Variants in OR51B5 observed in about 807,000 individuals in gnomAD.
The protein encoded by OR51B5 is olfactory receptor family 51 subfamily B member 5.
For missense variants in OR51B5, 456 were observed against 374.6 expected, an observed-to-expected ratio of 1.22 and a Z score of -1.79; for synonymous variants, 186 against 144.8, an observed-to-expected ratio of 1.28 and a Z score of -2.04.
At chr11:5,381,898 G>C (rs1287014756) in intron 1 of OR51B5, among the ~76,000 whole-genome samples, 3 of 152,110 alleles carry the variant, frequency 2.0e-5, no homozygotes, top group African/African-American at 7.2e-5. Flanking sequence ...GCAAATATTA[G>C]AGATCTCTAA....
At chr11:5,365,745 A>G (rs1849354839) in intron 1 of OR51B5, among the ~76,000 whole-genome samples, 1 of 152,180 alleles carries the variant, frequency 6.6e-6, no homozygotes, top group African/African-American at 2.4e-5. Flanking sequence ...AAAAATAGAT[A>G]TAAGCTTTTG....
chr11:5,341,803 C>G (rs1848898857), downstream of OR51B5, among the ~76,000 whole-genome samples: 1 of 152,104 alleles, frequency 6.6e-6, no homozygotes. Context: ...GCGTAGATAT[C>G]TGAGGATGGC....
intron 1 of OR51B5, among the ~76,000 whole-genome samples, chr11:5,442,839 T>C (rs1850711223): frequency 1.3e-5 from 2 of 152,278 alleles, no homozygotes; most frequent in Middle Eastern, 6.8e-3. Flanking sequence ...CTGAATCTAA[T>C]GAAAACATTC....
rs559640835 is a variant in OR51B5 at position 5,401,847 on chromosome 11, T to C, written n.85-54937A>G. Among the ~76,000 whole-genome samples, 6 of 56,560 alleles carry C rather than the reference T, an allele frequency of 1.1e-4. No individual in the cohort carries two copies. In the South Asian group the frequency reaches 3.9e-3, roughly 36 times the overall value. 37.1% of individuals were successfully genotyped at this position (56,560 alleles called of 152,430 possible). On this transcript the variant is annotated intron_variant and non_coding_transcript_variant, in intron 1 of 4. Transcript: ENST00000415970. ...TTCTATCATTCCTTCCTTCCCTCTT[T>C]TTCTTCTGCTTTTTCTTTTTCCTTC... is the stretch of plus-strand genomic sequence containing the variant.
intron 1 of OR51B5, chr11:5,431,613 G>A (rs1470747356): frequency 1.3e-5 from 2 of 154,770 alleles, no homozygotes; most frequent in African/African-American, 4.8e-5. Context: ...GCCACCAACA[G>A]CAGAGATCAG....
At chr11:5,363,029 G>GAAA (rs397772642) in intron 1 of OR51B5, among the ~76,000 whole-genome samples, 1 of 149,060 alleles carries the variant, frequency 6.7e-6, no homozygotes, top group African/African-American at 2.5e-5. Flanking sequence ...TTGAAAACAA[G>GAAA]GAAAAGGAGC....
At chr11:5,422,738 TA>T (rs1850368544) in intron 1 of OR51B5, 1 of 1,613,926 alleles carries the variant, frequency 6.2e-7, no homozygotes. Context: ...CTCTCGCTCC[TA>T]TTGCCTCCAC....
chr11:5,495,795 G>A (rs187998035), intron 1 of OR51B5, among the ~76,000 whole-genome samples: 78 of 152,310 alleles, frequency 5.1e-4, no homozygotes, highest in African/African-American at 1.7e-3. Context: ...TAGAGTGACT[G>A]AATGGATAAA....
intron 1 of OR51B5, among the ~76,000 whole-genome samples, chr11:5,463,325 G>A (rs1851088127): frequency 6.6e-6 from 1 of 152,184 alleles, no homozygotes. Flanking sequence ...CAGATTTCTG[G>A]AGGCATGTGT....
upstream of OR51B5, among the ~76,000 whole-genome samples, chr11:5,344,688 C>T (rs908417408): frequency 3.9e-5 from 6 of 152,170 alleles, no homozygotes; most frequent in African/African-American, 1.4e-4. Context: ...TTTCTTAGTT[C>T]ACCTAATATT....
intron 1 of OR51B5, among the ~76,000 whole-genome samples, chr11:5,442,811 C>G (rs1272148623): frequency 1.3e-5 from 2 of 152,170 alleles, no homozygotes; most frequent in African/African-American, 4.8e-5. Context: ...CTATGGTCAC[C>G]TAGTGACCTC....
chr11:5,352,027 C>T, intron 1 of OR51B5: 5 of 1,613,950 alleles, frequency 3.1e-6, no homozygotes, highest in Non-Finnish European at 3.4e-6. Flanking sequence ...TGTACTCTCC[C>T]ATGCTTTCTG....
At chr11:5,414,680 C>T (rs1288760303) in intron 1 of OR51B5, among the ~76,000 whole-genome samples, 2 of 151,798 alleles carry the variant, frequency 1.3e-5, no homozygotes, top group Non-Finnish European at 2.9e-5. Flanking sequence ...TCAAAAGAGA[C>T]AAGGCCAATA....
intron 1 of OR51B5, among the ~76,000 whole-genome samples, chr11:5,490,941 T>C (rs1851572163): frequency 6.6e-6 from 1 of 152,258 alleles, no homozygotes; most frequent in South Asian, 2.1e-4. Context: ...CTAGATTTTA[T>C]AGCTGCATGG....
chr11:5,458,342 G>T lies in OR51B5; in HGVS notation n.84+47227C>A, dbSNP rs542262367. Among the ~76,000 whole-genome samples the T allele has an allele frequency of 2.4e-3, 359 of 152,238 alleles. 1 individual carries two copies. Among genetic ancestry groups the T allele is most frequent in the Non-Finnish European group, 4.0e-3 (272 of 67,976 alleles). Reference sequence around the variant, plus strand: ...ATTTGTCTATTTGTACCAGTAAAATGCTGCTTTGCTTACAGTAGCCTTATA... The same window carrying T: ...ATTTGTCTATTTGTACCAGTAAAATTCTGCTTTGCTTACAGTAGCCTTATA... On this transcript the variant is annotated intron_variant and non_coding_transcript_variant, in intron 1 of 4. Transcript: ENST00000415970.
intron 1 of OR51B5, among the ~76,000 whole-genome samples, chr11:5,409,841 C>T (rs762982802): frequency 5.3e-5 from 8 of 152,038 alleles, no homozygotes; most frequent in Non-Finnish European, 1.0e-4. Context: ...CCTGAATAAG[C>T]ATATCATATT....
At chr11:5,367,119 C>CA (rs1564923585) in intron 1 of OR51B5, among the ~76,000 whole-genome samples, 1 of 152,186 alleles carries the variant, frequency 6.6e-6, no homozygotes, top group East Asian at 1.9e-4. Flanking sequence ...GCCACACATA[C>CA]ACATGCCACC....
chr11:5,352,179 G>A lies in OR51B5; in HGVS notation n.85-5269C>T, dbSNP rs780783022. The A allele has an allele frequency of 3.1e-6, 5 of 1,614,000 alleles. No individual in the cohort carries two copies. In the Admixed American group the frequency reaches 6.7e-5, roughly 22 times the overall value. ...ACATTTTGATTCTCAAGACTGTCAT[G>A]GGCATTGGTTCTGGAGGAGAAAGGG... On this transcript the variant is annotated intron_variant and non_coding_transcript_variant, in intron 1 of 4. Coordinates refer to the OR51B5 transcript ENST00000415970.
intron 1 of OR51B5, among the ~76,000 whole-genome samples, chr11:5,396,764 G>C (rs944959613): frequency 1.3e-5 from 2 of 151,888 alleles, no homozygotes; most frequent in Non-Finnish European, 2.9e-5. Flanking sequence ...TAAGCCAAAA[G>C]AACAAAGCTG....
Sources: allele counts gnomAD v4.1 joint callset (sites outside exome capture counted in the v4.1 genomes callset), GRCh38; gene constraint gnomAD v4.1.1; transcripts MANE v1.5; gene names NCBI Gene and HGNC (gene_info 2026-07-23, HGNC 2026-07-21).